Variants in JAKMIP3 observed in about 807,000 individuals in gnomAD.
JAKMIP3 encodes Janus kinase and microtubule interacting protein 3, also known as janus kinase and microtubule-interacting protein 3.
In JAKMIP3, 58 loss-of-function variants were observed where a neutral mutation model predicts 118.5. The observed-to-expected ratio is 0.49, with a 90% CI of 0.40 to 0.61. JAKMIP3 has a LOEUF of 0.61. Among genes scored for constraint, JAKMIP3 ranks in the 20% least tolerant of loss-of-function variants. The pLI, the probability that JAKMIP3 is intolerant of heterozygous loss-of-function variation, is 0.00. For missense variants in JAKMIP3, 950 were observed against 1,109.0 expected (o/e 0.86, Z 2.04); for synonymous variants, 486 against 451.2 (o/e 1.08, Z -0.98).
intron 3 of JAKMIP3, among the ~76,000 whole-genome samples, chr10:132,119,371 A>T (rs1245412525): frequency 1.3e-5 from 2 of 152,108 alleles, no homozygotes; most frequent in Middle Eastern, 3.2e-3. Flanking sequence ...ATTGGTACTC[A>T]CTTTGTCTTG....
chr10:132,175,601 G>A (rs181655580), intron 23 of JAKMIP3, among the ~76,000 whole-genome samples: 2 of 152,268 alleles, frequency 1.3e-5, no homozygotes, highest in Admixed American at 1.3e-4. Flanking sequence ...GAGGTGTGTT[G>A]ATTAACTGTC....
chr10:132,159,514 G>T (rs555359723), intron 19 of JAKMIP3, among the ~76,000 whole-genome samples: 31 of 138,640 alleles, frequency 2.2e-4, no homozygotes, highest in Admixed American at 5.1e-4. Flanking sequence ...GATGCTGGGG[G>T]TGTGTCTTCC....
chr10:132,098,717 T>C (rs2044366349), intron 1 of JAKMIP3, among the ~76,000 whole-genome samples: 1 of 152,224 alleles, frequency 6.6e-6, no homozygotes. Context: ...TCTCCCATCC[T>C]GGGCCTGGTC....
chr10:132,163,466 A>G, intron 20 of JAKMIP3, 54 bp downstream of exon 20: 1 of 1,499,786 alleles, frequency 6.7e-7, no homozygotes, highest in Admixed American at 1.9e-5. Context: ...GGACCTGCAC[A>G]GAGCCAGGGG....
At chr10:132,073,322 A>G (rs961390837) in intron 1 of JAKMIP3, among the ~76,000 whole-genome samples, 5 of 152,132 alleles carry the variant, frequency 3.3e-5, no homozygotes, top group African/African-American at 1.2e-4. Context: ...AGTAGCTGGG[A>G]CTACAGGCGC....
intron 1 of JAKMIP3, among the ~76,000 whole-genome samples, chr10:132,041,420 A>G (rs758790392): frequency 6.6e-6 from 1 of 152,238 alleles, no homozygotes; most frequent in Non-Finnish European, 1.5e-5. Context: ...GGGCGGCTGT[A>G]TGCAGGATCC....
chr10:132,181,255 T>C (rs1261458817), intron 23 of JAKMIP3: 1 of 152,034 alleles, frequency 6.6e-6, no homozygotes, highest in Non-Finnish European at 1.5e-5. Context: ...ATTTGGGGAG[T>C]GAGTTTTTAA....
chr10:132,181,287 C>T (rs987547286), intron 23 of JAKMIP3: 1 of 152,204 alleles, frequency 6.6e-6, no homozygotes, highest in Middle Eastern at 3.2e-3. Context: ...ATATTTTCAA[C>T]AAGACCTCTG....
intron 19 of JAKMIP3, among the ~76,000 whole-genome samples, chr10:132,161,449 C>T (rs2058290455): frequency 1.3e-5 from 1 of 78,198 alleles, no homozygotes; most frequent in Non-Finnish European, 2.4e-5. Flanking sequence ...TGGGGAGCCT[C>T]TTCCTGTGTG....
chr10:132,151,934 A>G (rs1468085517), intron 16 of JAKMIP3, among the ~76,000 whole-genome samples: 1 of 152,222 alleles, frequency 6.6e-6, no homozygotes, highest in Non-Finnish European at 1.5e-5. Flanking sequence ...CTGGCTGTGC[A>G]ATCAGTGTTG....
chr10:132,036,964 C>T (rs534892233), intron 1 of JAKMIP3, among the ~76,000 whole-genome samples: 243 of 152,170 alleles, frequency 1.6e-3, no homozygotes, highest in African/African-American at 5.5e-3. Flanking sequence ...ACCCCCTGCC[C>T]TGCACAGGCC....
rs1042148057 is a variant in JAKMIP3 at position 132,118,902 on chromosome 10, G to T, written c.633+1328G>T. ...GGAAGCGTTGCCACTGTCCCGGGAA[G>T]GTGGGAGGGACAGGTGGCTGCCTCT... On this transcript the variant is annotated intron_variant, in intron 3 of 23. Coordinates refer to ENST00000684848, the MANE Select transcript of JAKMIP3 (RefSeq NM_001323087.2). This position sits in a 1 kb window ranked among gnomAD's most constrained non-coding sequence, Gnocchi z 4.8. 1.3e-5 allele frequency among the ~76,000 whole-genome samples: 2 copies of T among 152,214 alleles called. No homozygotes were observed. Among genetic ancestry groups the T allele is most frequent in the African/African-American group, 4.8e-5 (2 of 41,444 alleles).
In JAKMIP3 at chr10:132,180,592, T is replaced by TGCGCGC. The variant is rs1334619170; in HGVS notation, c.*1104-1764_*1104-1763insCGCGCG. Among the ~76,000 whole-genome samples the TGCGCGC allele has an allele frequency of 2.2e-4, 5 of 22,758 alleles. 1 individual carries two copies. The highest frequency in any genetic ancestry group is 3.0e-4 in the Non-Finnish European group (3 of 9,916). 14.9% of individuals were successfully genotyped at this position (22,758 alleles called of 152,430 possible). A position where few individuals can be genotyped will look rare whatever the true frequency, so the allele number is the denominator to read the frequency against. ...GCGTGTGTGTGTGCGTGCGCGTGTG[T>TGCGCGC]GTGTGCGTGCGCGTGTGTGTGTGCG... On this transcript the variant is annotated intron_variant, in intron 23 of 23. Transcript: ENST00000684848.
intron 2 of JAKMIP3, among the ~76,000 whole-genome samples, chr10:132,109,103 TAC>T (rs35434481): frequency 3.5e-4 from 49 of 141,988 alleles, no homozygotes; most frequent in East Asian, 2.0e-3. Context: ...CATATATATA[TAC>T]ACACACACAT....
intron 3 of JAKMIP3, among the ~76,000 whole-genome samples, chr10:132,121,259 T>C (rs1357063075): frequency 6.6e-6 from 1 of 151,974 alleles, no homozygotes; most frequent in Non-Finnish European, 1.5e-5. Flanking sequence ...GGGAGGAACA[T>C]CATTCCCAGG....
intron 13 of JAKMIP3, among the ~76,000 whole-genome samples, 161 bp from the exon 14 acceptor site, chr10:132,147,791 C>T (rs2054927104): frequency 6.6e-6 from 1 of 152,262 alleles, no homozygotes; most frequent in Non-Finnish European, 1.5e-5. Context: ...CTAGGACAAA[C>T]CCAAACATAC....
intron 1 of JAKMIP3, among the ~76,000 whole-genome samples, chr10:132,084,116 T>G (rs1298383841): frequency 2.0e-5 from 3 of 152,180 alleles, no homozygotes; most frequent in Non-Finnish European, 4.4e-5. Context: ...ATTTGTAGAT[T>G]GCTTTTGGCA....
intron 1 of JAKMIP3, among the ~76,000 whole-genome samples, chr10:132,080,057 G>C (rs1352598926): frequency 2.0e-5 from 3 of 152,224 alleles, no homozygotes; most frequent in South Asian, 2.1e-4. Flanking sequence ...GCTCACACCT[G>C]TAATCCCAGC....
chr10:132,111,035 C>T (rs115299628), intron 2 of JAKMIP3, among the ~76,000 whole-genome samples: 1 of 152,256 alleles, frequency 6.6e-6, no homozygotes, highest in Non-Finnish European at 1.5e-5. Flanking sequence ...TGAGCCCCAA[C>T]TCTTGGAACT....
Sources: allele counts gnomAD v4.1 joint callset (sites outside exome capture counted in the v4.1 genomes callset), GRCh38; gene constraint gnomAD v4.1.1; non-coding constraint Gnocchi (gnomAD v3.1); transcripts MANE v1.5; gene names NCBI Gene and HGNC (gene_info 2026-07-23, HGNC 2026-07-21).